The following TRIP4 variants were observed in gnomAD, a reference collection of about 807,000 sequenced individuals.
TRIP4 encodes the protein activating signal cointegrator 1.
A neutral mutation model predicts 81.8 loss-of-function variants in TRIP4; 54 were observed. The observed-to-expected ratio is 0.66, with a 90% CI of 0.53 to 0.83. TRIP4 has a LOEUF of 0.83. Ranked by LOEUF, TRIP4 falls within the 40% of genes least tolerant of loss-of-function variation. The pLI, the probability that TRIP4 is intolerant of heterozygous loss-of-function variation, is 0.00. For synonymous variants in TRIP4, 270 were observed against 242.8 expected (o/e 1.11, Z -1.04); for missense variants, 662 against 683.6 (o/e 0.97, Z 0.35).
chr15:64,417,209 G>A (rs1018632062), intron 8 of TRIP4, among the ~76,000 whole-genome samples: 13 of 151,964 alleles, frequency 8.6e-5, no homozygotes, highest in Admixed American at 7.2e-4. Flanking sequence ...AAGGAGTTTC[G>A]CCTTGTTGCC....
intron 12 of TRIP4, among the ~76,000 whole-genome samples, chr15:64,449,562 G>A (rs28662345): frequency 0.048 from 7,111 of 148,414 alleles, 552 homozygotes; most frequent in African/African-American, 0.16. Flanking sequence ...ACCCATTTAT[G>A]TGTTGTATCA....
chr15:64,437,901 T>A (rs1324473975), intron 11 of TRIP4, among the ~76,000 whole-genome samples: 2 of 152,232 alleles, frequency 1.3e-5, no homozygotes, highest in Non-Finnish European at 2.9e-5. Context: ...AGGTGAGTTA[T>A]GATGAAGATC....
chr15:64,398,839 C>G (rs1900371455), intron 4 of TRIP4, among the ~76,000 whole-genome samples: 1 of 151,816 alleles, frequency 6.6e-6, no homozygotes, highest in South Asian at 2.1e-4. Flanking sequence ...GTTGAGCTGG[C>G]TGTCAGAAGC....
At chr15:64,403,547 T>C (rs187478731) in intron 5 of TRIP4, among the ~76,000 whole-genome samples, 12 of 152,336 alleles carry the variant, frequency 7.9e-5, no homozygotes, top group African/African-American at 2.9e-4. Context: ...TGGTTCATAG[T>C]AGTTTTTGTT....
At chr15:64,397,040 C>A (rs1322970493) in intron 3 of TRIP4, among the ~76,000 whole-genome samples, 3 of 152,086 alleles carry the variant, frequency 2.0e-5, no homozygotes, top group Non-Finnish European at 4.4e-5. Context: ...ATTAGGATAT[C>A]TTTTGTTATG....
intron 6 of TRIP4, among the ~76,000 whole-genome samples, chr15:64,408,355 C>T (rs1891680458): frequency 2.0e-5 from 3 of 147,734 alleles, no homozygotes; most frequent in Admixed American, 1.4e-4. Flanking sequence ...GCCCCCTGGA[C>T]TCACGCCATT....
At chr15:64,406,229 G>T in intron 5 of TRIP4, 101 bp from the exon 6 acceptor site, 2 of 1,463,310 alleles carry the variant, frequency 1.4e-6, no homozygotes, top group Non-Finnish European at 1.9e-6. Context: ...AGGCCATCAG[G>T]CCAGAACCAG....
intron 11 of TRIP4, among the ~76,000 whole-genome samples, chr15:64,438,622 AGTTT>A (rs1231735678): frequency 3.3e-5 from 5 of 152,218 alleles, no homozygotes; most frequent in Admixed American, 3.3e-4. Flanking sequence ...GGTGTTCACT[AGTTT>A]AAGTTGGAGT....
chr15:64,407,396 G>T (rs765932199), intron 6 of TRIP4, among the ~76,000 whole-genome samples: 105 of 152,006 alleles, frequency 6.9e-4, no homozygotes, highest in Non-Finnish European at 1.0e-3. Flanking sequence ...AGCCGGGCAC[G>T]GTGGCTCACA....
At chr15:64,413,017 G>A (rs369758787) in intron 7 of TRIP4, among the ~76,000 whole-genome samples, 1 of 152,182 alleles carries the variant, frequency 6.6e-6, no homozygotes, top group African/African-American at 2.4e-5. Context: ...AAGCATTTTT[G>A]TTCTGGGCCA....
chr15:64,450,640 T>C (rs1189694460), intron 12 of TRIP4: 1 of 455,750 alleles, frequency 2.2e-6, no homozygotes, highest in Non-Finnish European at 4.4e-6. Flanking sequence ...TCACAGATTG[T>C]TGGCAAATGT....
At chr15:64,392,223 G>T (rs1056321375) in intron 1 of TRIP4, among the ~76,000 whole-genome samples, 1 of 150,346 alleles carries the variant, frequency 6.7e-6, no homozygotes, top group Non-Finnish European at 1.5e-5. Context: ...GCTTGAACCT[G>T]GGAGATGGAG....
Position 64,431,847 on chromosome 15 carries a change from A to ATATATATATATATATTTTTTT in TRIP4, c.1575+6217_1575+6218insATATATATATATATTTTTTTT. 7.9e-4 allele frequency among the ~76,000 whole-genome samples: 94 copies of ATATATATATATATATTTTTTT among 119,546 alleles called. 1 individual carries two copies. The highest frequency in any genetic ancestry group is 3.0e-3 in the African/African-American group (92 of 30,770). 78.4% of individuals were successfully genotyped at this position (119,546 alleles called of 152,430 possible). A position where few individuals can be genotyped will look rare whatever the true frequency, so the allele number is the denominator to read the frequency against. ...CCATTTATATTATATATATATATAT[A>ATATATATATATATATTTTTTT]TTTTTTTTATCCAAAGAGCATTGTG... On this transcript the variant is annotated intron_variant, in intron 11 of 12. Transcript: ENST00000261884.
In TRIP4 at chr15:64,431,877, CTTTTTTTT is replaced by C. The variant is rs1199638489; in HGVS notation, c.1575+6263_1575+6270del. On this transcript the variant is annotated intron_variant, in intron 11 of 12. Transcript: ENST00000261884. ...TTTTATCCAAAGAGCATTGTGTTTT[CTTTTTTTT>C]TTTTTTTTTTTTTTTTGAGACGGAG... 4.4e-4 allele frequency among the ~76,000 whole-genome samples: 23 copies of C among 52,512 alleles called. 1 individual carries two copies. Among genetic ancestry groups the C allele is most frequent in the Middle Eastern group, 0.02 (1 of 50 alleles). 34.4% of individuals were successfully genotyped at this position (52,512 alleles called of 152,430 possible). A position where few individuals can be genotyped will look rare whatever the true frequency, so the allele number is the denominator to read the frequency against.
intron 8 of TRIP4, among the ~76,000 whole-genome samples, chr15:64,414,483 T>C (rs1891844070): frequency 6.6e-6 from 1 of 150,876 alleles, no homozygotes; most frequent in Non-Finnish European, 1.5e-5. Flanking sequence ...AGACAGAAAT[T>C]CCATGGTTCT....
intron 11 of TRIP4, among the ~76,000 whole-genome samples, chr15:64,444,199 G>GCC (rs1199252977): frequency 6.6e-6 from 1 of 152,148 alleles, no homozygotes; most frequent in Non-Finnish European, 1.5e-5. Context: ...TGACCCAGAA[G>GCC]CCTATGAGTC....
intron 11 of TRIP4, among the ~76,000 whole-genome samples, chr15:64,427,738 A>G (rs916532567): frequency 6.6e-6 from 1 of 152,108 alleles, no homozygotes; most frequent in African/African-American, 2.4e-5. Flanking sequence ...TTTCCTTGTG[A>G]GTTACCTCCT....
chr15:64,429,546 C>A (rs72741320), intron 11 of TRIP4, among the ~76,000 whole-genome samples: 7,370 of 152,144 alleles, frequency 0.048, 236 homozygotes, highest in South Asian at 0.09. Flanking sequence ...CCTTAATATG[C>A]TAGTGTGGAT....
At chr15:64,399,801 C>G (rs563177212) in intron 4 of TRIP4, among the ~76,000 whole-genome samples, 94 of 151,794 alleles carry the variant, frequency 6.2e-4, no homozygotes, top group African/African-American at 2.2e-3. Context: ...GCGCCTGGCC[C>G]TTGTTTGTTT....
Sources: gnomAD v4.1 joint callset for allele counts (sites outside exome capture counted in the v4.1 genomes callset) on GRCh38, gnomAD v4.1.1 for gene constraint, MANE v1.5 for transcripts, NCBI Gene and HGNC (gene_info 2026-07-23, HGNC 2026-07-21) for gene names.